FBN2: variants seen among roughly 807,000 people sequenced by gnomAD.
FBN2 encodes the protein fibrillin-2.
A neutral mutation model predicts 355.6 loss-of-function variants in FBN2; 105 were observed. That is an observed-to-expected ratio of 0.30 (90% CI 0.25 to 0.35). FBN2 has a LOEUF of 0.35. FBN2 is among the 10% of genes least tolerant of loss of function. FBN2 has a pLI of 1.00. For synonymous variants in FBN2, 1,350 were observed against 1,301.2 expected, an observed-to-expected ratio of 1.04 and a Z score of -0.81; for missense variants, 3,280 against 3,758.7, an observed-to-expected ratio of 0.87 and a Z score of 3.33.
At chr5:128,303,205 A>C (rs1328413597) in intron 45 of FBN2, 116 bp from the exon 46 acceptor site, 1 of 709,568 alleles carries the variant, frequency 1.4e-6, no homozygotes, top group Non-Finnish European at 2.6e-6. Flanking sequence ...TCAGTACTAG[A>C]AACTCATATC....
At chr5:128,341,773 G>A (rs1029846231) in intron 25 of FBN2, among the ~76,000 whole-genome samples, 65 of 152,274 alleles carry the variant, frequency 4.3e-4, no homozygotes, top group Non-Finnish European at 5.4e-4. Flanking sequence ...AGCAAGCCCC[G>A]ATAAACTTCC....
At position 128,288,556 on chromosome 5, in the gene FBN2, A is replaced by G; in HGVS notation, c.6639T>C (p.Asp2213=). 3 of 1,613,582 alleles carry G rather than the reference A, an allele frequency of 1.9e-6. No individual in the cohort carries two copies. Among genetic ancestry groups the G allele is most frequent in the Non-Finnish European group, 2.5e-6 (3 of 1,179,944 alleles). ...GATTGCCGATTGAACACTCATCAGT[A>G]TCTGAAAAAGAAGAATAAGAAACTG... is the stretch of plus-strand genomic sequence containing the variant. ...NLDYTGVRCV[D]TDECSIGNPC... The change falls in exon 53 of 65, where the codon GAT becomes GAC. Residue 2213 remains aspartate (D), a splice_region_variant and synonymous_variant. Coordinates refer to ENST00000262464, the MANE Select transcript of FBN2 (RefSeq NM_001999.4).
intron 28 of FBN2, 124 bp downstream of exon 28, chr5:128,335,864 C>T (rs1257925286): frequency 2.0e-6 from 2 of 1,021,136 alleles, no homozygotes; most frequent in Non-Finnish European, 3.0e-6. Context: ...TGAGATCTGC[C>T]CCTAGTCTTA....
intron 55 of FBN2, 114 bp from the exon 56 acceptor site, chr5:128,280,431 A>C (rs1765505995): frequency 3.8e-6 from 3 of 784,110 alleles, no homozygotes; most frequent in Non-Finnish European, 4.3e-6. Context: ...TACTAATATG[A>C]TGAGATTAAA....
In FBN2 at chr5:128,357,328, A is replaced by T; in HGVS notation, c.2622T>A (p.Asn874Lys). 6.2e-7 allele frequency: 1 copy of T among 1,613,988 alleles called. No individual in the cohort carries two copies. Among genetic ancestry groups the T allele is most frequent in the Non-Finnish European group, 8.5e-7 (1 of 1,179,886 alleles). Residue 874 changes from asparagine to lysine, a missense_variant, in exon 20 of 65, where the codon AAT (asparagine) becomes AAA (lysine). Physicochemically the swap from Asn to Lys is moderately conservative, Grantham distance 94 (BLOSUM62 0). Coordinates refer to ENST00000262464, the MANE Select transcript of FBN2 (RefSeq NM_001999.4). Reference protein sequence around the residue: ...GACRNNLGSFNCECSPGSKLS... With the variant: ...GACRNNLGSFKCECSPGSKLS... ...GTTTGCTGCCGGGCGAACATTCACA[A>T]TTGAAAGATCCAAGGTTGTTTCTGC... is the stretch of plus-strand genomic sequence containing the variant.
chr5:128,439,773 CT>C (rs1295173143), intron 7 of FBN2, among the ~76,000 whole-genome samples: 2 of 151,854 alleles, frequency 1.3e-5, no homozygotes, highest in Non-Finnish European at 2.9e-5. Flanking sequence ...TTCTCTATAA[CT>C]TTTAAGTGGC....
chr5:128,391,125 T>C (rs1463044151), intron 11 of FBN2, among the ~76,000 whole-genome samples: 1 of 152,210 alleles, frequency 6.6e-6, no homozygotes, highest in Non-Finnish European at 1.5e-5. Flanking sequence ...AGTGTACTAA[T>C]ATGGTTTCAG....
At chr5:128,498,740 T>C (rs1362064578) in intron 5 of FBN2, among the ~76,000 whole-genome samples, 1 of 152,220 alleles carries the variant, frequency 6.6e-6, no homozygotes, top group Non-Finnish European at 1.5e-5. Flanking sequence ...AAGTATTATA[T>C]AAGTAGTACT....
chr5:128,486,773 T>A (rs567675312), intron 5 of FBN2, among the ~76,000 whole-genome samples: 1 of 151,886 alleles, frequency 6.6e-6, no homozygotes, highest in African/African-American at 2.4e-5. Context: ...CCCTCCCCCA[T>A]CCCCCCACCT....
At chr5:128,347,749 G>A (rs192751385) in intron 23 of FBN2, among the ~76,000 whole-genome samples, 34 of 151,702 alleles carry the variant, frequency 2.2e-4, no homozygotes, top group African/African-American at 8.2e-4. Context: ...CAAGGATGAA[G>A]AATCCAATAT....
intron 16 of FBN2, among the ~76,000 whole-genome samples, chr5:128,368,485 T>C (rs1296137369): frequency 6.8e-6 from 1 of 147,582 alleles, no homozygotes; most frequent in Admixed American, 6.8e-5. Context: ...TACATATATA[T>C]ACACATATAT....
chr5:128,262,176 A>G (rs1764992181), intron 63 of FBN2, among the ~76,000 whole-genome samples: 2 of 152,098 alleles, frequency 1.3e-5, no homozygotes, highest in African/African-American at 2.4e-5. Context: ...TCAGCCTCCA[A>G]ATTAGCAGGG....
chr5:128,417,924 T>C (rs1010708827), intron 7 of FBN2, among the ~76,000 whole-genome samples: 2 of 152,156 alleles, frequency 1.3e-5, no homozygotes, highest in South Asian at 4.1e-4. Flanking sequence ...TTTATAATTT[T>C]GGTAGAATTT....
intron 6 of FBN2, 146 bp downstream of exon 6, chr5:128,464,578 C>A (rs1316272508): frequency 1.0e-4 from 80 of 776,086 alleles, no homozygotes; most frequent in Non-Finnish European, 1.6e-4. Context: ...AAAAGATAAA[C>A]CTTCTCTGGT....
chr5:128,349,908 T>C (rs771895527), intron 22 of FBN2, 47 bp downstream of exon 22: 1 of 1,417,442 alleles, frequency 7.1e-7, no homozygotes, highest in Non-Finnish European at 1.0e-6. Context: ...TAATTTTACT[T>C]ACTGCTCAAA....
intron 5 of FBN2, among the ~76,000 whole-genome samples, chr5:128,499,928 C>G (rs1449113378): frequency 6.6e-6 from 1 of 152,040 alleles, no homozygotes; most frequent in African/African-American, 2.4e-5. Context: ...CATTAAACCA[C>G]GACATTAAGT....
chr5:128,484,602 T>G (rs1755285851), intron 5 of FBN2, among the ~76,000 whole-genome samples: 3 of 151,964 alleles, frequency 2.0e-5, no homozygotes, highest in Admixed American at 6.6e-5. Flanking sequence ...AACAATGAGG[T>G]TTCATTGGAT....
intron 17 of FBN2, 22 bp from the exon 18 acceptor site, chr5:128,364,747 T>C: frequency 1.2e-6 from 2 of 1,600,924 alleles, no homozygotes; most frequent in Non-Finnish European, 1.7e-6. Context: ...ATTGAAAGTT[T>C]AGTGCTATCA....
chr5:128,304,903 C>G lies in FBN2; in HGVS notation c.5800+54G>C, dbSNP rs76018296. On this transcript the variant is annotated intron_variant, in intron 45 of 64. Coordinates refer to ENST00000262464, the MANE Select transcript of FBN2 (RefSeq NM_001999.4). ...TCATGGCACTTGATGGAACTGTGATCTGTTCTGGAACCCCAGCCCCACTTC... is the reference window on the plus strand; with the variant it reads ...TCATGGCACTTGATGGAACTGTGATGTGTTCTGGAACCCCAGCCCCACTTC... 14,147 of 1,611,320 alleles carry G rather than the reference C, an allele frequency of 8.8e-3. 801 individuals are homozygous for G. The African/African-American group carries it at 0.14, about 16-fold the overall frequency.
Sources: allele counts gnomAD v4.1 joint callset (sites outside exome capture counted in the v4.1 genomes callset), GRCh38; gene constraint gnomAD v4.1.1; transcripts MANE v1.5; gene names NCBI Gene and HGNC (gene_info 2026-07-23, HGNC 2026-07-21).